CEP295: variants seen among roughly 807,000 people sequenced by gnomAD.
CEP295 encodes the protein centrosomal protein of 295 kDa.
CEP295 carries 190 observed loss-of-function variants against 291.6 expected under a neutral mutation model. The ratio of observed to expected loss-of-function variants is 0.65; its 90% CI spans 0.58 to 0.73. CEP295 has a LOEUF of 0.73. CEP295 is among the 30% of genes least tolerant of loss of function. The probability of loss-of-function intolerance (pLI) is 0.00; values close to 1 mark genes in which losing one functional copy is unlikely to be tolerated. For missense variants in CEP295, 2,863 were observed against 2,949.4 expected, an observed-to-expected ratio of 0.97 and a Z score of 0.68; for synonymous variants, 993 against 1,038.8, an observed-to-expected ratio of 0.96 and a Z score of 0.85.
intron 18 of CEP295, among the ~76,000 whole-genome samples, chr11:93,710,493 A>G (rs140291327): frequency 3.3e-4 from 50 of 152,284 alleles, no homozygotes; most frequent in African/African-American, 1.2e-3. Context: ...GTCATAATGA[A>G]TGATCTTTTT....
intron 18 of CEP295, among the ~76,000 whole-genome samples, chr11:93,714,495 C>T (rs576622407): frequency 1.3e-4 from 20 of 152,306 alleles, no homozygotes; most frequent in South Asian, 4.1e-4. Flanking sequence ...ATGTTCCACC[C>T]GCCTCGGCCT....
chr11:93,719,503 A>C lies in CEP295; in HGVS notation c.5750-1809A>C, dbSNP rs534697809. 2.0e-5 allele frequency: 3 copies of C among 152,232 alleles called. No individual in the cohort carries two copies. The East Asian group carries it at 5.8e-4, about 29-fold the overall frequency. 9.4% of individuals were successfully genotyped at this position (152,232 alleles called of 1,614,324 possible). On this transcript the variant is annotated intron_variant, in intron 18 of 29. Coordinates refer to ENST00000325212, the MANE Select transcript of CEP295 (RefSeq NM_033395.2). Reference sequence around the variant, plus strand: ...GACTGGTCTGAAACTACTGGCCTTAAGCAATCCTCCCACCTCAACTTCCTG... The same window carrying C: ...GACTGGTCTGAAACTACTGGCCTTACGCAATCCTCCCACCTCAACTTCCTG...
At chr11:93,693,761 A>AT (rs1225970530) in intron 12 of CEP295, among the ~76,000 whole-genome samples, 1 of 151,360 alleles carries the variant, frequency 6.6e-6, no homozygotes, top group Non-Finnish European at 1.5e-5. Context: ...TCAAAAAAAA[A>AT]GAAAAAAAGA....
chr11:93,698,534 C>T lies in CEP295; in HGVS notation c.3622C>T (p.Leu1208Phe), dbSNP rs1435535792. ...SSEQTGTSSS[L>F]SQVDESERFQ... ...TGAACAGACTGGCACCTCCTCATCC[C>T]TTTCCCAGGTGGATGAATCTGAGAG... Residue 1208 changes from leucine (L) to phenylalanine (F), a missense_variant, in exon 15 of 30, where the codon CTT (leucine) becomes TTT (phenylalanine). By Grantham distance (22) the Leu-to-Phe change is conservative. Transcript: ENST00000325212. The T allele has an allele frequency of 1.3e-6, 2 of 1,552,134 alleles. No individual in the cohort carries two copies. The highest frequency in any genetic ancestry group is 2.4e-5 in the East Asian group (1 of 40,914).
chr11:93,706,880 A>G lies in CEP295; in HGVS notation c.5732A>G (p.Asp1911Gly). 1 of 1,538,450 alleles carries G rather than the reference A, an allele frequency of 6.5e-7. No individual in the cohort carries two copies. Among genetic ancestry groups the G allele is most frequent in the Admixed American group, 2.0e-5 (1 of 48,930 alleles). Residue 1911 changes from aspartate to glycine, a missense_variant, in exon 18 of 30, where the codon GAT becomes GGT. Physicochemically the swap from Asp to Gly is moderately conservative, Grantham distance 94. This residue lies in a region of CEP295 where 2,295 missense variants were observed against 2,335.7 expected (regional missense o/e 0.98). Coordinates refer to ENST00000325212, the MANE Select transcript of CEP295 (RefSeq NM_033395.2). ...QLVGQENVCG[D>G]DYDEAVKLKE... ...GTTGGCCAAGAGAATGTCTGTGGTG[A>G]TGACTATGATGAAGCAGGTGAGAAA...
intron 12 of CEP295, among the ~76,000 whole-genome samples, chr11:93,693,926 TTTTA>T (rs1355414638): frequency 6.6e-6 from 1 of 152,216 alleles, no homozygotes; most frequent in Non-Finnish European, 1.5e-5. Context: ...AAATTTTAAG[TTTTA>T]TTTAATTTTA....
rs1414586333 is a variant in CEP295 at position 93,691,923 on chromosome 11, C to T, written c.1430-4C>T. 1 of 1,525,200 alleles carries T rather than the reference C, an allele frequency of 6.6e-7. No individual in the cohort carries two copies. Among genetic ancestry groups the T allele is most frequent in the Non-Finnish European group, 8.9e-7 (1 of 1,127,748 alleles). 94.5% of individuals were successfully genotyped at this position (1,525,200 alleles called of 1,614,324 possible). On this transcript the variant is annotated splice_region_variant and splice_polypyrimidine_tract_variant and intron_variant, in intron 11 of 29. Transcript: ENST00000325212. Reference sequence around the variant, plus strand: ...ACTAATTTTTGTTTGGGGCATTCCCCTAGAAATAAATGAGACTCTGCCTAT... The same window carrying T: ...ACTAATTTTTGTTTGGGGCATTCCCTTAGAAATAAATGAGACTCTGCCTAT...
At chr11:93,685,587 A>T (rs1405339217) in intron 9 of CEP295, among the ~76,000 whole-genome samples, 1 of 152,232 alleles carries the variant, frequency 6.6e-6, no homozygotes, top group Non-Finnish European at 1.5e-5. Flanking sequence ...ACTTTGGCAT[A>T]AGCTTAGCAG....
Position 93,727,331 on chromosome 11 carries a change from A to T in CEP295, c.6855A>T (p.Ser2285=). 4.5e-6 allele frequency: 7 copies of T among 1,551,570 alleles called. No homozygotes were observed. The highest frequency in any genetic ancestry group is 6.1e-6 in the Non-Finnish European group (7 of 1,146,936). The change falls in exon 24 of 30, where the codon TCA becomes TCT. Residue 2285 remains serine (S), a synonymous_variant. Transcript: ENST00000325212. ...RKESMGFEEL[S]KRGVVTMLQS... The stretch of plus-strand genomic sequence containing the variant: ...AAAGTATGGGCTTTGAAGAACTATC[A>T]AAAAGAGGGGTTGTTACAATGTTAC...
chr11:93,687,992 C>G, intron 10 of CEP295, 127 bp downstream of exon 10: 1 of 569,046 alleles, frequency 1.8e-6, no homozygotes, highest in Non-Finnish European at 2.9e-6. Context: ...TTAAAAGCAA[C>G]AAAGAAACAT....
intron 12 of CEP295, among the ~76,000 whole-genome samples, chr11:93,693,006 G>A (rs546651994): frequency 8.1e-4 from 118 of 146,466 alleles, no homozygotes; most frequent in African/African-American, 2.3e-3. Context: ...GGCCGGGCCC[G>A]GTGGCTCACG....
intron 18 of CEP295, among the ~76,000 whole-genome samples, chr11:93,719,380 G>A (rs970712205): frequency 6.6e-6 from 1 of 151,714 alleles, no homozygotes; most frequent in African/African-American, 2.4e-5. Context: ...CCATCCGACT[G>A]CCTCAGCCTC....
At chr11:93,729,396 T>TCC in intron 25 of CEP295, 38 bp from the exon 26 acceptor site, 1 of 1,410,366 alleles carries the variant, frequency 7.1e-7, no homozygotes, top group Non-Finnish European at 9.8e-7. Context: ...GCTTAAAGCG[T>TCC]TTAAAAAGAG....
rs1951107165 is a variant in CEP295, at chr11:93,684,109, A to G, written c.1095A>G (p.Ile365Met). The G allele has an allele frequency of 6.4e-7, 1 of 1,551,496 alleles. No individual in the cohort carries two copies. Among genetic ancestry groups the G allele is most frequent in the Non-Finnish European group, 8.7e-7 (1 of 1,146,910 alleles). ...AEDLPVTEAE[I>M]CSSETDVPLV... ...ACCTTCCAGTGACAGAAGCTGAAATATGTTCTAGTGAAACAGATGGTAAAA... is the reference window on the plus strand; with the variant it reads ...ACCTTCCAGTGACAGAAGCTGAAATGTGTTCTAGTGAAACAGATGGTAAAA... The change falls in exon 9 of 30, where the codon ATA (isoleucine) becomes ATG (methionine). Residue 365 changes from isoleucine (I) to methionine (M), a missense_variant. This residue lies in a region of CEP295 where 554 missense variants were observed against 576.0 expected (regional missense o/e 0.96). Coordinates refer to ENST00000325212, the MANE Select transcript of CEP295 (RefSeq NM_033395.2).
At position 93,690,606 on chromosome 11, in the gene CEP295, C is replaced by T. The variant is rs534621988; in HGVS notation, c.1337-1077C>T. 3.1e-4 allele frequency among the ~76,000 whole-genome samples: 47 copies of T among 150,406 alleles called. 1 individual carries two copies. In the South Asian group the frequency reaches 9.8e-3, roughly 31 times the overall value. On this transcript the variant is annotated intron_variant, in intron 10 of 29. Transcript: ENST00000325212. ...AGTGAGCCAGGCGTGGTGGCGGGCACCTGTAGTCCCAGCTACTCGGGAGCA... is the reference window on the plus strand; with the variant it reads ...AGTGAGCCAGGCGTGGTGGCGGGCATCTGTAGTCCCAGCTACTCGGGAGCA...
chr11:93,668,016 T>C (rs1194751970), intron 3 of CEP295, among the ~76,000 whole-genome samples: 2 of 152,108 alleles, frequency 1.3e-5, no homozygotes, highest in Non-Finnish European at 2.9e-5. Context: ...TCAAATAAAA[T>C]TGGTCTTCCT....
chr11:93,729,611 C>A lies in CEP295; in HGVS notation c.7400-3C>A, dbSNP rs779487902. 6.5e-7 allele frequency: 1 copy of A among 1,550,218 alleles called. No homozygotes were observed. The highest frequency in any genetic ancestry group is 1.2e-5 in the South Asian group (1 of 83,972). On this transcript the variant is annotated splice_polypyrimidine_tract_variant and splice_region_variant and intron_variant, in intron 26 of 29. Transcript: ENST00000325212. ...CTGTCATAAATTTCTTTTCCCCCAG[C>A]AGAAACCCCTCGCAGGCTTACACCT...
In CEP295 at chr11:93,696,477, G is replaced by A. The variant is rs1057418773; in HGVS notation, c.1769+60G>A. The A allele has an allele frequency of 5.0e-6, 6 of 1,199,598 alleles. No homozygotes were observed. In the African/African-American group the frequency reaches 7.7e-5, roughly 15 times the overall value. 74.3% of individuals were successfully genotyped at this position (1,199,598 alleles called of 1,614,324 possible). ...TGTGGCTACATTTTTAGGATTTATT[G>A]TTTCATTTATATGAGGATCTAATTT... On this transcript the variant is annotated intron_variant, in intron 14 of 29. Transcript: ENST00000325212.
chr11:93,695,758 CTCAG>C, intron 13 of CEP295, 124 bp downstream of exon 13: 5 of 1,159,144 alleles, frequency 4.3e-6, no homozygotes, highest in Non-Finnish European at 4.6e-6. Flanking sequence ...TGCCTGTAAT[CTCAG>C]CACTTTGGGT....
Sources: gnomAD v4.1 joint callset for allele counts (sites outside exome capture counted in the v4.1 genomes callset) on GRCh38, gnomAD v4.1.1 for gene constraint, gnomAD v4.1.1 regional missense constraint, MANE v1.5 for transcripts, NCBI Gene and HGNC (gene_info 2026-07-23, HGNC 2026-07-21) for gene names.